CACHD1: variants seen among roughly 807,000 people sequenced by gnomAD.
The protein encoded by CACHD1 is cache domain containing 1.
Under a neutral mutation model 138.7 loss-of-function variants are expected in CACHD1, and 71 were observed. That is an observed-to-expected ratio of 0.51 (90% CI 0.42 to 0.62). The LOEUF (loss-of-function observed/expected upper bound fraction) is 0.62, where lower values mean the gene tolerates loss of function less well. CACHD1 is among the 20% of genes least tolerant of loss of function. The pLI, the probability that CACHD1 is intolerant of heterozygous loss-of-function variation, is 0.00. For synonymous variants in CACHD1, 578 were observed against 591.5 expected, an observed-to-expected ratio of 0.98 and a Z score of 0.33; for missense variants, 1,389 against 1,625.3, an observed-to-expected ratio of 0.85 and a Z score of 2.50.
rs149457760 is a variant in CACHD1, at chr1:64,572,847, C to A, written c.262-9309C>A. Among the ~76,000 whole-genome samples the A allele has an allele frequency of 5.5e-3, 844 of 152,268 alleles. 9 individuals carry two copies. Among genetic ancestry groups the A allele is most frequent in the African/African-American group, 0.019 (800 of 41,568 alleles). On this transcript the variant is annotated intron_variant, in intron 2 of 26. Coordinates refer to ENST00000651257, the MANE Select transcript of CACHD1 (RefSeq NM_020925.4). ...CTGCCCTGTTTCTCTGTTGGATGGG[C>A]TATTCCCTCACATCTGTCAGACTAC...
chr1:64,559,331 T>C (rs935250187), intron 2 of CACHD1, among the ~76,000 whole-genome samples: 4 of 152,224 alleles, frequency 2.6e-5, no homozygotes, highest in Non-Finnish European at 5.9e-5. Flanking sequence ...AACAAGATCA[T>C]GTCTTTTGCA....
Position 64,691,678 on chromosome 1 carries a change from A to G in CACHD1, c.*117A>G. On this transcript the variant is annotated 3_prime_UTR_variant, in exon 27 of 27. Coordinates refer to ENST00000651257, the MANE Select transcript of CACHD1 (RefSeq NM_020925.4). ...CCTCCCTTGTGTTTGTGCTTTGTGCAGAGTTGTTTGAGTCATTTCCTGCCT... is the reference window on the plus strand; with the variant it reads ...CCTCCCTTGTGTTTGTGCTTTGTGCGGAGTTGTTTGAGTCATTTCCTGCCT... 2.3e-6 allele frequency: 2 copies of G among 885,982 alleles called. No homozygotes were observed. Among genetic ancestry groups the G allele is most frequent in the South Asian group, 3.3e-5 (2 of 60,826 alleles). The allele number at this position is 885,982 out of a possible 1,614,324, so 54.9% of individuals were successfully genotyped here.
chr1:64,665,496 A>G (rs1012606136), intron 15 of CACHD1, among the ~76,000 whole-genome samples: 1 of 151,928 alleles, frequency 6.6e-6, no homozygotes, highest in Non-Finnish European at 1.5e-5. Context: ...CAACTATACT[A>G]CATATCTTAG....
intron 1 of CACHD1, among the ~76,000 whole-genome samples, chr1:64,528,789 T>C (rs1189448467): frequency 6.6e-6 from 1 of 152,110 alleles, no homozygotes; most frequent in Non-Finnish European, 1.5e-5. Flanking sequence ...AATTAGTGTA[T>C]TATTATTTAA....
intron 13 of CACHD1, among the ~76,000 whole-genome samples, chr1:64,661,132 G>T (rs941098069): frequency 6.6e-6 from 1 of 152,084 alleles, no homozygotes; most frequent in Non-Finnish European, 1.5e-5. Flanking sequence ...ACAATAAAAA[G>T]GGAATAGGAA....
chr1:64,636,208 A>G (rs1430387260), intron 7 of CACHD1, among the ~76,000 whole-genome samples: 2 of 152,082 alleles, frequency 1.3e-5, no homozygotes, highest in African/African-American at 4.8e-5. Context: ...CAAGCCCTTC[A>G]TTGTGTCTGT....
intron 12 of CACHD1, among the ~76,000 whole-genome samples, chr1:64,658,409 A>G (rs1649335285): frequency 1.3e-5 from 2 of 152,218 alleles, no homozygotes; most frequent in African/African-American, 4.8e-5. Context: ...AACCCACATT[A>G]GCAAAAAAAG....
chr1:64,602,520 T>G (rs1248133836), intron 3 of CACHD1, among the ~76,000 whole-genome samples: 1 of 151,898 alleles, frequency 6.6e-6, no homozygotes, highest in Non-Finnish European at 1.5e-5. Flanking sequence ...ATCTATTTTC[T>G]GTATGATTTT....
chr1:64,647,498 T>C (rs1425989436), intron 8 of CACHD1, among the ~76,000 whole-genome samples: 1 of 152,254 alleles, frequency 6.6e-6, no homozygotes, highest in Non-Finnish European at 1.5e-5. Flanking sequence ...TTTCATTTTA[T>C]AATTAACTTT....
chr1:64,491,567 C>T (rs2100298504), intron 1 of CACHD1, among the ~76,000 whole-genome samples: 1 of 152,244 alleles, frequency 6.6e-6, no homozygotes, highest in South Asian at 2.1e-4. Context: ...GGGAAATCCA[C>T]CCCCATGATT....
intron 1 of CACHD1, among the ~76,000 whole-genome samples, chr1:64,541,903 T>C (rs1646680197): frequency 6.6e-6 from 1 of 151,992 alleles, no homozygotes; most frequent in African/African-American, 2.4e-5. Context: ...CCAACTATCA[T>C]AGAACAACTA....
At chr1:64,627,699 C>G (rs911672924) in intron 4 of CACHD1, among the ~76,000 whole-genome samples, 1 of 152,082 alleles carries the variant, frequency 6.6e-6, no homozygotes, top group Non-Finnish European at 1.5e-5. Flanking sequence ...GTAATTAGTC[C>G]ACCCACTTTT....
chr1:64,651,754 T>C (rs1222879042), intron 9 of CACHD1, among the ~76,000 whole-genome samples: 2 of 152,246 alleles, frequency 1.3e-5, no homozygotes, highest in African/African-American at 4.8e-5. Flanking sequence ...ACAGCTGGAC[T>C]ATTAAGTACA....
intron 1 of CACHD1, among the ~76,000 whole-genome samples, chr1:64,541,644 C>G (rs113627716): frequency 2.2e-4 from 33 of 151,870 alleles, no homozygotes; most frequent in African/African-American, 7.8e-4. Context: ...CCTGTCTCTA[C>G]CAAACAAAAC....
chr1:64,576,131 C>T (rs1646965099), intron 2 of CACHD1, among the ~76,000 whole-genome samples: 2 of 152,148 alleles, frequency 1.3e-5, no homozygotes, highest in South Asian at 4.1e-4. Flanking sequence ...CCTGTTGTCT[C>T]ATCCGTATTC....
intron 2 of CACHD1, among the ~76,000 whole-genome samples, chr1:64,571,181 C>T (rs527409012): frequency 2.6e-5 from 4 of 152,304 alleles, no homozygotes; most frequent in African/African-American, 9.6e-5. Flanking sequence ...TACTCAAGGC[C>T]AGTCTTTAAC....
intron 22 of CACHD1, 110 bp from the exon 23 acceptor site, chr1:64,678,049 A>T: frequency 9.0e-7 from 1 of 1,108,400 alleles, no homozygotes; most frequent in Non-Finnish European, 1.3e-6. Flanking sequence ...CAAGAAATTC[A>T]CAGCACTAGT....
At chr1:64,645,189 G>A (rs1333498744) in intron 8 of CACHD1, among the ~76,000 whole-genome samples, 2 of 152,162 alleles carry the variant, frequency 1.3e-5, no homozygotes, top group South Asian at 2.1e-4. Context: ...TGGTTGATGG[G>A]TAATCATTGG....
intron 4 of CACHD1, among the ~76,000 whole-genome samples, chr1:64,614,853 G>T (rs1385591853): frequency 6.6e-6 from 1 of 152,054 alleles, no homozygotes; most frequent in Non-Finnish European, 1.5e-5. Flanking sequence ...TTAACGTAGA[G>T]ACCCCCCAAA....
Sources: gnomAD v4.1 joint callset for allele counts (sites outside exome capture counted in the v4.1 genomes callset) on GRCh38, gnomAD v4.1.1 for gene constraint, MANE v1.5 for transcripts, NCBI Gene and HGNC (gene_info 2026-07-23, HGNC 2026-07-21) for gene names.